The following DNER variants were observed in gnomAD, a reference collection of about 807,000 sequenced individuals.
DNER encodes the protein delta and Notch-like epidermal growth factor-related receptor.
A neutral mutation model predicts 78.2 loss-of-function variants in DNER; 33 were observed. That is an observed-to-expected ratio of 0.42 (90% CI 0.32 to 0.56). The LOEUF (loss-of-function observed/expected upper bound fraction) is 0.56, where lower values mean the gene tolerates loss of function less well. Among genes scored for constraint, DNER ranks in the 20% least tolerant of loss-of-function variants. DNER has a pLI of 0.11. For missense variants in DNER, 918 were observed against 975.3 expected (o/e 0.94, Z 0.78); for synonymous variants, 417 against 384.8 (o/e 1.08, Z -0.98).
intron 7 of DNER, among the ~76,000 whole-genome samples, chr2:229,451,659 A>T (rs1478874344): frequency 1.3e-5 from 2 of 152,230 alleles, no homozygotes; most frequent in African/African-American, 4.8e-5. Flanking sequence ...TCAAGTCTAA[A>T]TAGCTAGTAT....
intron 1 of DNER, among the ~76,000 whole-genome samples, chr2:229,692,583 C>T (rs995917007): frequency 2.6e-5 from 4 of 152,122 alleles, no homozygotes; most frequent in Non-Finnish European, 5.9e-5. Flanking sequence ...TTTTAATGAG[C>T]AGTTACTTCT....
intron 6 of DNER, among the ~76,000 whole-genome samples, chr2:229,500,060 A>T (rs191984637): frequency 1.8e-3 from 267 of 152,024 alleles, no homozygotes; most frequent in African/African-American, 6.1e-3. Flanking sequence ...CAGCCTCCTG[A>T]GTAGCTGGGA....
intron 1 of DNER, among the ~76,000 whole-genome samples, chr2:229,646,320 C>A (rs1326690999): frequency 2.6e-5 from 4 of 152,140 alleles, no homozygotes; most frequent in African/African-American, 4.8e-5. Context: ...ATAATAAAAT[C>A]GCCAAAAAAC....
Position 229,643,906 on chromosome 2 carries a change from A to G in DNER, c.277-52018T>C, listed in dbSNP as rs191477888. ...AATTATCTTCTTACCTTCCCAGATGATGGTTGCCTAACGTTGTCTCAAAGA... is the reference window on the plus strand; with the variant it reads ...AATTATCTTCTTACCTTCCCAGATGGTGGTTGCCTAACGTTGTCTCAAAGA... On this transcript the variant is annotated intron_variant, in intron 1 of 12. Coordinates refer to ENST00000341772, the MANE Select transcript of DNER (RefSeq NM_139072.4). Among the ~76,000 whole-genome samples, 31 of 152,198 alleles carry G rather than the reference A, an allele frequency of 2.0e-4. No individual in the cohort carries two copies. In the East Asian group the frequency reaches 6.0e-3, roughly 29 times the overall value.
chr2:229,574,719 G>A (rs1318709765), intron 4 of DNER, among the ~76,000 whole-genome samples: 1 of 152,078 alleles, frequency 6.6e-6, no homozygotes, highest in African/African-American at 2.4e-5. Context: ...AAATTACCTT[G>A]TTGAGAGAAA....
chr2:229,659,517 T>A lies in DNER; in HGVS notation c.276+54631A>T, dbSNP rs549838720. On this transcript the variant is annotated intron_variant, in intron 1 of 12. Coordinates refer to ENST00000341772, the MANE Select transcript of DNER (RefSeq NM_139072.4). ...CCGGGCAGACAAAAACAGTATGACC[T>A]TGAATAAATCGGGTACCGCTCTTAG... Among the ~76,000 whole-genome samples, 4 of 152,270 alleles carry A rather than the reference T, an allele frequency of 2.6e-5. No homozygotes were observed. In the East Asian group the frequency reaches 7.7e-4, roughly 29 times the overall value.
At chr2:229,510,638 G>T (rs774988478) in intron 6 of DNER, among the ~76,000 whole-genome samples, 3 of 152,214 alleles carry the variant, frequency 2.0e-5, no homozygotes, top group Non-Finnish European at 2.9e-5. Flanking sequence ...TCTAGAAATG[G>T]ATGGAACGCT....
At chr2:229,674,628 C>T (rs996084909) in intron 1 of DNER, among the ~76,000 whole-genome samples, 1 of 152,306 alleles carries the variant, frequency 6.6e-6, no homozygotes, top group East Asian at 1.9e-4. Flanking sequence ...CCTTCACACT[C>T]TGCTTTTCCT....
intron 5 of DNER, among the ~76,000 whole-genome samples, chr2:229,536,827 G>C (rs1245518834): frequency 6.6e-6 from 1 of 152,170 alleles, no homozygotes; most frequent in Non-Finnish European, 1.5e-5. Context: ...GCCACACACA[G>C]TTCCTGGAGG....
At chr2:229,501,916 T>G (rs1485588023) in intron 6 of DNER, among the ~76,000 whole-genome samples, 1 of 152,230 alleles carries the variant, frequency 6.6e-6, no homozygotes, top group Non-Finnish European at 1.5e-5. Context: ...GCGGCCTGGC[T>G]TACAGACAGC....
chr2:229,417,788 T>G (rs1193935100), intron 9 of DNER, among the ~76,000 whole-genome samples: 1 of 152,148 alleles, frequency 6.6e-6, no homozygotes, highest in Admixed American at 6.5e-5. Flanking sequence ...TCCACAGTTT[T>G]CACAGCCATG....
chr2:229,479,231 A>G (rs1695102501), intron 6 of DNER, among the ~76,000 whole-genome samples: 1 of 152,172 alleles, frequency 6.6e-6, no homozygotes, highest in Non-Finnish European at 1.5e-5. Flanking sequence ...AGGTTAAGTA[A>G]TTTGCACACA....
At chr2:229,459,577 G>A (rs943897237) in intron 7 of DNER, among the ~76,000 whole-genome samples, 8 of 152,106 alleles carry the variant, frequency 5.3e-5, no homozygotes, top group Admixed American at 2.6e-4. Flanking sequence ...CAGAGACTTC[G>A]CTTTAGGGAA....
chr2:229,662,286 T>C (rs1699021578), intron 1 of DNER, among the ~76,000 whole-genome samples: 1 of 152,210 alleles, frequency 6.6e-6, no homozygotes, highest in Admixed American at 6.5e-5. Context: ...TCATTGATTC[T>C]GTGTCTTGGA....
chr2:229,649,923 A>C (rs1341490260), intron 1 of DNER, among the ~76,000 whole-genome samples: 3 of 151,970 alleles, frequency 2.0e-5, no homozygotes, highest in Non-Finnish European at 4.4e-5. Context: ...AAATACAAAA[A>C]AATTAGCCGG....
chr2:229,424,055 C>A (rs2161075), intron 8 of DNER, among the ~76,000 whole-genome samples: 16,476 of 152,196 alleles, frequency 0.11, 2,589 homozygotes, highest in African/African-American at 0.35. Flanking sequence ...AAAACTGTTA[C>A]ATAAGCACCC....
intron 1 of DNER, among the ~76,000 whole-genome samples, chr2:229,679,838 C>T (rs1018986892): frequency 6.6e-6 from 1 of 152,176 alleles, no homozygotes; most frequent in Non-Finnish European, 1.5e-5. Flanking sequence ...ATCTTTCACA[C>T]CAAAACTGAG....
intron 1 of DNER, among the ~76,000 whole-genome samples, chr2:229,667,060 A>C (rs1699105004): frequency 6.6e-6 from 1 of 152,306 alleles, no homozygotes; most frequent in South Asian, 2.1e-4. Context: ...TGTCCCTGAA[A>C]TCACTCTGTA....
At chr2:229,539,453 G>T (rs1696470663) in intron 5 of DNER, among the ~76,000 whole-genome samples, 1 of 152,102 alleles carries the variant, frequency 6.6e-6, no homozygotes, top group South Asian at 2.1e-4. Context: ...ATTCCCAAAG[G>T]GTTACTACAA....
Sources: allele counts gnomAD v4.1 joint callset (sites outside exome capture counted in the v4.1 genomes callset), GRCh38; gene constraint gnomAD v4.1.1; transcripts MANE v1.5; gene names NCBI Gene and HGNC (gene_info 2026-07-23, HGNC 2026-07-21).